Variants in ADRA1A observed in about 807,000 individuals in gnomAD.
The protein encoded by ADRA1A is adrenoceptor alpha 1A.
A neutral mutation model predicts 29.6 loss-of-function variants in ADRA1A; 31 were observed. That is an observed-to-expected ratio of 1.05 (90% CI 0.79 to 1.41). ADRA1A has a LOEUF of 1.41. Among genes scored for constraint, ADRA1A ranks in the 40% most tolerant of loss-of-function variants. The pLI, the probability that ADRA1A is intolerant of heterozygous loss-of-function variation, is 0.00. For missense variants in ADRA1A, 619 were observed against 601.1 expected (o/e 1.03, Z -0.31); for synonymous variants, 311 against 254.3 (o/e 1.22, Z -2.12).
intron 2 of ADRA1A, among the ~76,000 whole-genome samples, chr8:26,836,613 G>A (rs924364102): frequency 5.9e-5 from 9 of 152,292 alleles, no homozygotes; most frequent in South Asian, 2.1e-4. Context: ...AAGAAGAGAC[G>A]TGTAGCGAGT....
At chr8:26,833,853 A>G (rs1032264584) in intron 2 of ADRA1A, among the ~76,000 whole-genome samples, 26 of 152,224 alleles carry the variant, frequency 1.7e-4, no homozygotes, top group Non-Finnish European at 5.9e-5. Context: ...AGCCTTTTAT[A>G]TTTCAATAGG....
intron 2 of ADRA1A, among the ~76,000 whole-genome samples, chr8:26,774,365 G>C (rs777887109): frequency 6.6e-6 from 1 of 152,184 alleles, no homozygotes; most frequent in Non-Finnish European, 1.5e-5. Context: ...ACTTTCCAAA[G>C]AGTGAGAAAA....
chr8:26,845,055 C>T (rs2130716574), intron 2 of ADRA1A, among the ~76,000 whole-genome samples: 1 of 152,102 alleles, frequency 6.6e-6, no homozygotes, highest in East Asian at 1.9e-4. Flanking sequence ...ATATATGACA[C>T]CAAGAACACA....
rs1286590079 is a variant in ADRA1A at position 26,841,194 on chromosome 8, G to A, written c.883+22893C>T. Among the ~76,000 whole-genome samples the A allele has an allele frequency of 6.6e-6, 1 of 152,188 alleles. No homozygotes were observed. The highest frequency in any genetic ancestry group is 1.5e-5 in the Non-Finnish European group (1 of 68,018). On this transcript the variant is annotated intron_variant, in intron 2 of 2. Transcript: ENST00000380573. The surrounding 1 kb of genome is among the most constrained non-coding windows in gnomAD (Gnocchi z 4.4). ...AAATAAAGCACATAAAGCATAAACTGAAATCCAAATGGAAAGCAATCACAA... is the reference window on the plus strand; with the variant it reads ...AAATAAAGCACATAAAGCATAAACTAAAATCCAAATGGAAAGCAATCACAA...
In ADRA1A at chr8:26,864,965, A is replaced by T; in HGVS notation, c.5T>A (p.Val2Glu). The T allele has an allele frequency of 6.3e-7, 1 of 1,599,860 alleles. No individual in the cohort carries two copies. Among genetic ancestry groups the T allele is most frequent in the Non-Finnish European group, 8.5e-7 (1 of 1,174,800 alleles). The change falls in exon 2 of 3, where the codon GTG becomes GAG. Residue 2 changes from valine to glutamate, a missense_variant. Transcript: ENST00000380573. This position sits in a 1 kb window ranked among gnomAD's most constrained non-coding sequence, Gnocchi z 8.1. The stretch of plus-strand genomic sequence containing the variant: ...GTCGGAAGCATTTCCCGAGAGAAAC[A>T]CCATGGTCCCAGCCGGGGCCGGGCG... MVFLSGNASDSS... is the reference protein window; with the variant it reads MEFLSGNASDSS...
chr8:26,753,427 A>G (rs1179993645), downstream of ADRA1A, among the ~76,000 whole-genome samples: 1 of 141,020 alleles, frequency 7.1e-6, no homozygotes, highest in Non-Finnish European at 1.5e-5. Context: ...ATTTATTGTT[A>G]TTTGTTTTGC....
chr8:26,830,466 T>A (rs1185891667), intron 2 of ADRA1A, among the ~76,000 whole-genome samples: 1 of 152,134 alleles, frequency 6.6e-6, no homozygotes, highest in Admixed American at 6.5e-5. Flanking sequence ...AACACATGAC[T>A]GGACCACAGG....
rs1159781763 is a variant in ADRA1A at position 26,815,664 on chromosome 8, G to C, written c.884-44998C>G. On this transcript the variant is annotated intron_variant, in intron 2 of 2. Coordinates refer to ENST00000380573, the MANE Select transcript of ADRA1A (RefSeq NM_000680.4). This position sits in a 1 kb window ranked among gnomAD's most constrained non-coding sequence, Gnocchi z 4.2. The stretch of plus-strand genomic sequence containing the variant: ...CAGCCTGGATACTGTTTGTGGGAGA[G>C]AAAGGTCTCTGTTGAGTACTGAACA... Among the ~76,000 whole-genome samples the C allele has an allele frequency of 1.3e-5, 2 of 152,176 alleles. No individual in the cohort carries two copies. The highest frequency in any genetic ancestry group is 2.9e-5 in the Non-Finnish European group (2 of 68,042).
At position 26,781,257 on chromosome 8, in the gene ADRA1A, A is replaced by G. The variant is rs73558269; in HGVS notation, c.884-10591T>C. On this transcript the variant is annotated intron_variant, in intron 2 of 2. Coordinates refer to ENST00000380573, the MANE Select transcript of ADRA1A (RefSeq NM_000680.4). ...TTTTTAATTTACTGCTGTATCCTCA[A>G]CACTCATAATGGTGTACAGCATTTA... 2.3e-3 allele frequency among the ~76,000 whole-genome samples: 354 copies of G among 152,302 alleles called. 1 individual carries two copies. Among genetic ancestry groups the G allele is most frequent in the African/African-American group, 7.6e-3 (315 of 41,574 alleles).
intron 2 of ADRA1A, chr8:26,779,102 A>G (rs1482836208): frequency 2.0e-6 from 1 of 497,396 alleles, no homozygotes; most frequent in Non-Finnish European, 3.5e-6. Flanking sequence ...TTTCTTATTT[A>G]CTTGTTTTCT....
chr8:26,806,686 C>A lies in ADRA1A; in HGVS notation c.884-36020G>T, dbSNP rs966718102. On this transcript the variant is annotated intron_variant, in intron 2 of 2. Transcript: ENST00000380573. The surrounding 1 kb of genome is among the most constrained non-coding windows in gnomAD (Gnocchi z 4.6). ...GAGTCCGAGGTTTCTCCCTAAGTCT[C>A]TTTACTCTGGCTTAACCGAGAGTTC... 1.3e-5 allele frequency among the ~76,000 whole-genome samples: 2 copies of A among 152,052 alleles called. No homozygotes were observed. The highest frequency in any genetic ancestry group is 6.6e-5 in the Admixed American group (1 of 15,254).
intron 2 of ADRA1A, among the ~76,000 whole-genome samples, chr8:26,832,576 A>G (rs556071580): frequency 2.6e-5 from 4 of 152,298 alleles, no homozygotes; most frequent in African/African-American, 9.6e-5. Context: ...GGTGTATGGC[A>G]CAAGAGATGA....
At chr8:26,774,162 G>C (rs1806371544) in intron 2 of ADRA1A, among the ~76,000 whole-genome samples, 1 of 152,214 alleles carries the variant, frequency 6.6e-6, no homozygotes. Context: ...CCAGATGTGT[G>C]TAAGCCTAGC....
At chr8:26,766,421 A>G (rs985216456), downstream of ADRA1A, among the ~76,000 whole-genome samples, 7 of 152,096 alleles carry the variant, frequency 4.6e-5, no homozygotes, top group Non-Finnish European at 1.0e-4. Context: ...CCTTAATCAC[A>G]TTCCAGGCCA....
At chr8:26,837,116 T>G (rs1811433696) in intron 2 of ADRA1A, among the ~76,000 whole-genome samples, 1 of 151,356 alleles carries the variant, frequency 6.6e-6, no homozygotes, top group Admixed American at 6.6e-5. Context: ...AGTATATAAG[T>G]GCTGAGAGAT....
intron 2 of ADRA1A, among the ~76,000 whole-genome samples, chr8:26,819,706 T>C (rs1213527534): frequency 6.6e-6 from 1 of 152,074 alleles, no homozygotes; most frequent in East Asian, 1.9e-4. Flanking sequence ...AAAAAGGAAC[T>C]ACACAACAGT....
chr8:26,820,398 A>G (rs1269746641), intron 2 of ADRA1A, among the ~76,000 whole-genome samples: 1 of 152,184 alleles, frequency 6.6e-6, no homozygotes, highest in East Asian at 1.9e-4. Flanking sequence ...TCATTTTTTG[A>G]CCACAATTAT....
At chr8:26,750,579 A>T (rs182342290) in intron 2 of ADRA1A, among the ~76,000 whole-genome samples, 4 of 152,226 alleles carry the variant, frequency 2.6e-5, no homozygotes, top group African/African-American at 9.6e-5. Context: ...CAAAGGCCCC[A>T]CCTCCAAATA....
intron 2 of ADRA1A, among the ~76,000 whole-genome samples, chr8:26,810,121 T>C (rs1295433310): frequency 1.3e-5 from 2 of 152,220 alleles, no homozygotes; most frequent in Admixed American, 6.5e-5. Context: ...CCATGAATGC[T>C]TTAATAAACT....
Sources: gnomAD v4.1 joint callset for allele counts (sites outside exome capture counted in the v4.1 genomes callset) on GRCh38, gnomAD v4.1.1 for gene constraint, Gnocchi (gnomAD v3.1) non-coding constraint, MANE v1.5 for transcripts, NCBI Gene and HGNC (gene_info 2026-07-23, HGNC 2026-07-21) for gene names.